The following XPO1 variants were observed in gnomAD, a reference collection of about 807,000 sequenced individuals.
XPO1 encodes the protein exportin-1.
Under a neutral mutation model 133.3 loss-of-function variants are expected in XPO1, and 5 were observed. That is an observed-to-expected ratio of 0.04 (90% confidence interval 0.02 to 0.08). XPO1 has a LOEUF of 0.08. XPO1 is among the 10% of genes least tolerant of loss of function. The probability of loss-of-function intolerance (pLI) is 1.00; values close to 1 mark genes in which losing one functional copy is unlikely to be tolerated. For missense variants in XPO1, 506 were observed against 1,267.5 expected, an observed-to-expected ratio of 0.40 and a Z score of 9.12; for synonymous variants, 419 against 408.2, an observed-to-expected ratio of 1.03 and a Z score of -0.32.
chr2:61,478,747 G>T lies in XPO1; in HGVS notation c.*73C>A. On this transcript the variant is annotated 3_prime_UTR_variant, in exon 25 of 25. Coordinates refer to ENST00000401558, the MANE Select transcript of XPO1 (RefSeq NM_003400.4). ...TAATTTACAAATTGGCATCATTTTG[G>T]TCGACAAATACCCACATGCTGTTTT... is the stretch of plus-strand genomic sequence containing the variant. 2 of 1,498,622 alleles carry T rather than the reference G, an allele frequency of 1.3e-6. No individual in the cohort carries two copies. The highest frequency in any genetic ancestry group is 2.6e-5 in the South Asian group (2 of 76,310). The allele number at this position is 1,498,622 out of a possible 1,614,324, so 92.8% of individuals were successfully genotyped here.
At chr2:61,537,064 C>T (rs951647739) in intron 1 of XPO1, 1 of 152,220 alleles carries the variant, frequency 6.6e-6, no homozygotes, top group Non-Finnish European at 1.5e-5. Flanking sequence ...AGTTTCCTTG[C>T]TGGAGGAACA....
intron 22 of XPO1, 31 bp downstream of exon 22, chr2:61,482,926 A>G (rs367956351): frequency 3.6e-5 from 58 of 1,612,448 alleles, no homozygotes; most frequent in Non-Finnish European, 4.6e-5. Context: ...CCCAGCTGGC[A>G]CTTAACATTT....
At chr2:61,508,931 C>G (rs1697954618) in intron 4 of XPO1, among the ~76,000 whole-genome samples, 1 of 152,118 alleles carries the variant, frequency 6.6e-6, no homozygotes, top group Non-Finnish European at 1.5e-5. Context: ...TCCTCTCCTC[C>G]CCAGCAGCTA....
intron 4 of XPO1, among the ~76,000 whole-genome samples, chr2:61,505,919 T>G (rs1697786867): frequency 3.3e-5 from 5 of 152,182 alleles, no homozygotes; most frequent in Admixed American, 3.3e-4. Flanking sequence ...TAATGCTCAC[T>G]ACATCTAATC....
intron 5 of XPO1, 96 bp downstream of exon 5, chr2:61,502,153 T>A: frequency 6.6e-7 from 1 of 1,512,440 alleles, no homozygotes; most frequent in Non-Finnish European, 9.1e-7. Flanking sequence ...ACTGTGCATA[T>A]GTGTGACTAT....
intron 19 of XPO1, among the ~76,000 whole-genome samples, chr2:61,486,185 CTTTT>C (rs199965674): frequency 1.4e-5 from 2 of 146,980 alleles, no homozygotes; most frequent in Admixed American, 1.4e-4. Context: ...TCATTCAAGA[CTTTT>C]TTTTTTTGAG....
At chr2:61,493,258 C>T (rs1398027307) in intron 12 of XPO1, 24 of 428,736 alleles carry the variant, frequency 5.6e-5, no homozygotes, top group East Asian at 1.8e-4. Flanking sequence ...TTGAGCAACA[C>T]AAAATGACAC....
At chr2:61,502,411 A>G in intron 4 of XPO1, 101 bp from the exon 5 acceptor site, 1 of 1,142,634 alleles carries the variant, frequency 8.8e-7, no homozygotes, top group Non-Finnish European at 1.3e-6. Flanking sequence ...AAGACTAAGT[A>G]AAATCAGTTA....
chr2:61,534,017 T>C (rs1448051348), intron 1 of XPO1, 114 bp from the exon 2 acceptor site: 4 of 1,075,444 alleles, frequency 3.7e-6, no homozygotes, highest in Non-Finnish European at 4.8e-6. Flanking sequence ...ATGAATACTT[T>C]AGAGACTTTA....
chr2:61,531,141 G>A (rs537958712), intron 2 of XPO1, among the ~76,000 whole-genome samples: 1 of 152,292 alleles, frequency 6.6e-6, no homozygotes, highest in Admixed American at 6.5e-5. Flanking sequence ...GACCCCCAAG[G>A]AGGTGGTAAA....
At chr2:61,488,492 T>C in intron 18 of XPO1, 96 bp downstream of exon 18, 1 of 1,376,900 alleles carries the variant, frequency 7.3e-7, no homozygotes, top group South Asian at 1.4e-5. Flanking sequence ...GGAGGTCTGA[T>C]TTAAATCTGT....
At position 61,490,606 on chromosome 2, in the gene XPO1, C is replaced by G. The variant is rs369269234; in HGVS notation, c.2022+36G>C. 13 of 1,612,942 alleles carry G rather than the reference C, an allele frequency of 8.1e-6. No homozygotes were observed. In the African/African-American group the frequency reaches 1.3e-4, roughly 17 times the overall value. Reference sequence around the variant, plus strand: ...TGTAAAGAACACGTCTTGTTAAATCCCATGAAAACTTTTAAGAAAAGGTAG... The same window carrying G: ...TGTAAAGAACACGTCTTGTTAAATCGCATGAAAACTTTTAAGAAAAGGTAG... On this transcript the variant is annotated intron_variant, in intron 17 of 24. Coordinates refer to ENST00000401558, the MANE Select transcript of XPO1 (RefSeq NM_003400.4).
Position 61,492,124 on chromosome 2 carries a change from C to T in XPO1, c.1798G>A (p.Val600Ile), listed in dbSNP as rs1210452613. 9.3e-6 allele frequency: 15 copies of T among 1,614,024 alleles called. No homozygotes were observed. The highest frequency in any genetic ancestry group is 4.0e-5 in the African/African-American group (3 of 74,918). Residue 600 changes from valine to isoleucine, a missense_variant, in exon 16 of 25, where the codon GTT (valine) becomes ATT (isoleucine). Val to Ile is a conservative substitution (Grantham distance 29, BLOSUM62 3). This residue lies in a region of XPO1 where 60 missense variants were observed against 211.0 expected (regional missense o/e 0.28). Coordinates refer to ENST00000401558, the MANE Select transcript of XPO1 (RefSeq NM_003400.4). This position sits in a 1 kb window ranked among gnomAD's most constrained non-coding sequence, Gnocchi z 5.6. ...ATCACTTCTCCAACCTGAACCTGAA[C>T]GAAATGCCTGCGGCATTTTTGGGCT... ...KIAQKCRRHF[V>I]QVQVGEVMPF...
intron 1 of XPO1, 30 bp from the exon 2 acceptor site, chr2:61,533,933 C>A: frequency 6.8e-7 from 1 of 1,478,362 alleles, no homozygotes; most frequent in South Asian, 1.4e-5. Context: ...ATTGAAGCTG[C>A]CTATCAAGTT....
At chr2:61,505,635 T>C (rs1206754830) in intron 4 of XPO1, among the ~76,000 whole-genome samples, 5 of 152,156 alleles carry the variant, frequency 3.3e-5, no homozygotes, top group Non-Finnish European at 7.4e-5. Flanking sequence ...CTCAGCTCAC[T>C]GCAACCTCTG....
chr2:61,481,907 T>G (rs112848115), intron 23 of XPO1, among the ~76,000 whole-genome samples: 1 of 152,018 alleles, frequency 6.6e-6, no homozygotes, highest in Non-Finnish European at 1.5e-5. Context: ...AACTAATTTT[T>G]TGTATTTTTA....
intron 4 of XPO1, among the ~76,000 whole-genome samples, chr2:61,520,666 C>A (rs1180286854): frequency 6.6e-6 from 1 of 151,996 alleles, no homozygotes; most frequent in East Asian, 1.9e-4. Flanking sequence ...AAGAAAGAAA[C>A]AAAAATTTTT....
At position 61,492,492 on chromosome 2, in the gene XPO1, G is replaced by C. The variant is rs1697044509; in HGVS notation, c.1567-11C>G. On this transcript the variant is annotated splice_polypyrimidine_tract_variant and intron_variant, in intron 14 of 24. Coordinates refer to ENST00000401558, the MANE Select transcript of XPO1 (RefSeq NM_003400.4). This position sits in a 1 kb window ranked among gnomAD's most constrained non-coding sequence, Gnocchi z 5.6. Reference sequence around the variant, plus strand: ...TAATCCTAATAGATCCTGTAAATAAGACAAATTTGTATTATTTATTGTAAC... The same window carrying C: ...TAATCCTAATAGATCCTGTAAATAACACAAATTTGTATTATTTATTGTAAC... The C allele has an allele frequency of 3.2e-6, 5 of 1,587,240 alleles. No homozygotes were observed. Among genetic ancestry groups the C allele is most frequent in the Non-Finnish European group, 4.3e-6 (5 of 1,171,106 alleles).
Position 61,483,854 on chromosome 2 carries a change from A to C in XPO1, c.2677+83T>G, listed in dbSNP as rs1696537471. On this transcript the variant is annotated intron_variant, in intron 21 of 24. Transcript: ENST00000401558. ...ATTCACACACTCAAAACTCTGAACA[A>C]GTAATACCTTCCTATGTACAATTAA... 3 of 1,478,656 alleles carry C rather than the reference A, an allele frequency of 2.0e-6. No homozygotes were observed. The South Asian group carries it at 3.6e-5, about 18-fold the overall frequency. The allele number at this position is 1,478,656 out of a possible 1,614,324, so 91.6% of individuals were successfully genotyped here. A position where few individuals can be genotyped will look rare whatever the true frequency, so the allele number is the denominator to read the frequency against.
Sources: gnomAD v4.1 joint callset for allele counts (sites outside exome capture counted in the v4.1 genomes callset) on GRCh38, gnomAD v4.1.1 for gene constraint, gnomAD v4.1.1 regional missense constraint, Gnocchi (gnomAD v3.1) non-coding constraint, MANE v1.5 for transcripts, NCBI Gene and HGNC (gene_info 2026-07-23, HGNC 2026-07-21) for gene names.